DLX3: variants seen among roughly 807,000 people sequenced by gnomAD.
DLX3 encodes the protein homeobox protein DLX-3.
DLX3 carries 9 observed loss-of-function variants against 28.0 expected under a neutral mutation model. The observed-to-expected ratio is 0.32, with a 90% CI of 0.19 to 0.56. The LOEUF is 0.56. Among genes scored for constraint, DLX3 ranks in the 20% least tolerant of loss-of-function variants. The pLI is 0.91. For synonymous variants in DLX3, 154 were observed against 167.9 expected, an observed-to-expected ratio of 0.92 and a Z score of 0.64; for missense variants, 313 against 378.2, an observed-to-expected ratio of 0.83 and a Z score of 1.43.
rs753895089 is a variant in DLX3, at chr17:49,995,020, C to T, written c.-22G>A. 1.3e-5 allele frequency: 21 copies of T among 1,607,046 alleles called. No homozygotes were observed. The highest frequency in any genetic ancestry group is 7.7e-5 in the South Asian group (7 of 90,810). On this transcript the variant is annotated 5_prime_UTR_variant, in exon 1 of 3. Coordinates refer to ENST00000434704, the MANE Select transcript of DLX3 (RefSeq NM_005220.3). Reference sequence around the variant, plus strand: ...TCATCCTGGCGGGCGCTGCACCTCCCCAGGGCTGGCCTCCGCAGAGGACAG... The same window carrying T: ...TCATCCTGGCGGGCGCTGCACCTCCTCAGGGCTGGCCTCCGCAGAGGACAG...
At position 49,991,741 on chromosome 17, in the gene DLX3, C is replaced by G. The variant is rs376543839; in HGVS notation, c.640G>C (p.Ala214Pro). Residue 214 changes from alanine to proline, a missense_variant, in exon 3 of 3, where the codon GCC becomes CCC. By Grantham distance (27) the Ala-to-Pro change is conservative. Around this residue, in one of 3 missense-constraint regions of DLX3, gnomAD observed 120 missense variants for 145.4 expected, o/e 0.83. Transcript: ENST00000434704. ...SMACNSPPSP[A>P]LWDTSSHSTP... is the part of the protein sequence containing the mutation. ...GAGTGGGAAGAGGTGTCCCAGAGGG[C>G]GGGTGATGGTGGTGAGTTGCAGGCC... 6.2e-7 allele frequency: 1 copy of G among 1,613,788 alleles called. No homozygotes were observed. The highest frequency in any genetic ancestry group is 8.5e-7 in the Non-Finnish European group (1 of 1,179,950).
intron 1 of DLX3, among the ~76,000 whole-genome samples, chr17:49,993,859 C>A (rs1275780964): frequency 6.6e-6 from 1 of 152,054 alleles, no homozygotes; most frequent in Non-Finnish European, 1.5e-5. Context: ...GCCAGGACCG[C>A]CTCGGCTTCG....
chr17:49,993,253 A>G (rs1185818360), intron 2 of DLX3, 147 bp downstream of exon 2: 21 of 772,742 alleles, frequency 2.7e-5, no homozygotes, highest in Non-Finnish European at 4.1e-5. Context: ...GAACCTTCCC[A>G]CCGAAGTTGA....
intron 2 of DLX3, 63 bp from the exon 3 acceptor site, chr17:49,991,927 G>T: frequency 6.6e-7 from 1 of 1,520,768 alleles, no homozygotes; most frequent in Non-Finnish European, 9.1e-7. Flanking sequence ...ACCCTGGGAA[G>T]AACCTAGCCA....
At chr17:49,993,863 G>A (rs187475129) in intron 1 of DLX3, among the ~76,000 whole-genome samples, 2,722 of 152,142 alleles carry the variant, frequency 0.018, 51 homozygotes, top group South Asian at 0.06. Flanking sequence ...GGACCGCCTC[G>A]GCTTCGCTCA....
chr17:49,995,088 GGT>G lies in DLX3; in HGVS notation c.-92_-91del. Reference sequence around the variant, plus strand: ...AGAGAGGCGGAAGAGACGAGGCAGGGGTGTGTGTCCAGAAGGCGAAGGGAGGA... The same window carrying G: ...AGAGAGGCGGAAGAGACGAGGCAGGGGTGTGTCCAGAAGGCGAAGGGAGGA... On this transcript the variant is annotated 5_prime_UTR_variant, in exon 1 of 3. Coordinates refer to ENST00000434704, the MANE Select transcript of DLX3 (RefSeq NM_005220.3). 6.7e-7 allele frequency: 1 copy of G among 1,497,058 alleles called. No individual in the cohort carries two copies. Among genetic ancestry groups the G allele is most frequent in the South Asian group, 1.2e-5 (1 of 84,174 alleles). 92.7% of individuals were successfully genotyped at this position (1,497,058 alleles called of 1,614,324 possible).
chr17:49,991,957 C>A (rs987096859), intron 2 of DLX3, 93 bp from the exon 3 acceptor site: 6 of 1,260,062 alleles, frequency 4.8e-6, no homozygotes, highest in Non-Finnish European at 5.7e-6. Flanking sequence ...AAGGCCAGAA[C>A]CCAATTTCAC....
intron 1 of DLX3, 149 bp from the exon 2 acceptor site, chr17:49,993,739 A>AG: frequency 1.2e-6 from 1 of 823,438 alleles, no homozygotes; most frequent in South Asian, 2.3e-5. Context: ...CCCGCGGCCC[A>AG]GGGGGGAGCC....
At position 49,993,566 on chromosome 17, in the gene DLX3, G is replaced by C; in HGVS notation, c.350C>G (p.Ala117Gly). The C allele has an allele frequency of 1.2e-6, 2 of 1,613,642 alleles. No homozygotes were observed. The highest frequency in any genetic ancestry group is 1.7e-6 in the Non-Finnish European group (2 of 1,179,702). Residue 117 changes from alanine (A) to glycine (G), a missense_variant, in exon 2 of 3, where the codon GCA becomes GGA. Transcript: ENST00000434704. Reference sequence around the variant, plus strand: ...CTTCCCATTCACCATGCGCACCTCTGCTTCCGGCTCCTCCTTCACCGACAC... The same window carrying C: ...CTTCCCATTCACCATGCGCACCTCTCCTTCCGGCTCCTCCTTCACCGACAC... ...DPVSVKEEPE[A>G]EVRMVNGKPK...
rs770534977 is a variant in DLX3, at chr17:49,991,546, G to T, written c.835C>A (p.Pro279Thr). Reference sequence around the variant, plus strand: ...TACACAGCCCCAGGGTTGGGCGGGGGCCCGGGAGAGGCATGGTGCAGGGTG... The same window carrying T: ...TACACAGCCCCAGGGTTGGGCGGGGTCCCGGGAGAGGCATGGTGCAGGGTG... ...PATLHHASPG[P>T]PPNPGAVY The change falls in exon 3 of 3, where the codon CCC becomes ACC. Residue 279 changes from proline (P) to threonine (T), a missense_variant. Transcript: ENST00000434704. 6.2e-7 allele frequency: 1 copy of T among 1,608,978 alleles called. No homozygotes were observed. The highest frequency in any genetic ancestry group is 8.5e-7 in the Non-Finnish European group (1 of 1,179,566).
rs1906032256 is a variant in DLX3 at position 49,990,111 on chromosome 17, C to CG, written c.*1405dup. On this transcript the variant is annotated 3_prime_UTR_variant, in exon 3 of 3. Transcript: ENST00000434704. Reference sequence around the variant, plus strand: ...GGAGATGGCTTTGCTTCTTCCCCCCCGGGTGGGACTCTTGGAGACCTACCA... The same window carrying CG: ...GGAGATGGCTTTGCTTCTTCCCCCCCGGGGTGGGACTCTTGGAGACCTACCA... The CG allele has an allele frequency of 6.6e-6, 1 of 152,448 alleles. No individual in the cohort carries two copies. Among genetic ancestry groups the CG allele is most frequent in the African/African-American group, 2.4e-5 (1 of 41,376 alleles). The allele number at this position is 152,448 out of a possible 1,614,324, so 9.4% of individuals were successfully genotyped here. A position where few individuals can be genotyped will look rare whatever the true frequency, so the allele number is the denominator to read the frequency against.
rs1352382995 is a variant in DLX3, at chr17:49,990,391, A to G, written c.*1126T>C. 7.0e-6 allele frequency: 1 copy of G among 143,696 alleles called. No homozygotes were observed. The highest frequency in any genetic ancestry group is 2.6e-5 in the African/African-American group (1 of 38,344). The allele number at this position is 143,696 out of a possible 1,614,324, so 8.9% of individuals were successfully genotyped here. A position where few individuals can be genotyped will look rare whatever the true frequency, so the allele number is the denominator to read the frequency against. ...TGTTTTACTGCATCAGGGGTGGGGGAAAGTTAGCTTTGGTGGGATGTCTGG... is the reference window on the plus strand; with the variant it reads ...TGTTTTACTGCATCAGGGGTGGGGGGAAGTTAGCTTTGGTGGGATGTCTGG... On this transcript the variant is annotated 3_prime_UTR_variant, in exon 3 of 3. Transcript: ENST00000434704.
At position 49,995,111 on chromosome 17, in the gene DLX3, G is replaced by A; in HGVS notation, c.-113C>T. ...GGGGTGTGTGTCCAGAAGGCGAAGGGAGGACCCGGCCGCGTCTGGGGGGAG... is the reference window on the plus strand; with the variant it reads ...GGGGTGTGTGTCCAGAAGGCGAAGGAAGGACCCGGCCGCGTCTGGGGGGAG... On this transcript the variant is annotated 5_prime_UTR_variant, in exon 1 of 3. Transcript: ENST00000434704. 1.5e-6 allele frequency: 2 copies of A among 1,360,134 alleles called. No individual in the cohort carries two copies. The highest frequency in any genetic ancestry group is 2.5e-5 in the East Asian group (1 of 39,972). The allele number at this position is 1,360,134 out of a possible 1,614,324, so 84.3% of individuals were successfully genotyped here. A position where few individuals can be genotyped will look rare whatever the true frequency, so the allele number is the denominator to read the frequency against.
At chr17:49,993,826 C>T (rs184027390) in intron 1 of DLX3, 5 of 248,416 alleles carry the variant, frequency 2.0e-5, no homozygotes, top group African/African-American at 9.2e-5. Context: ...GCAGCACTGT[C>T]CCCGGCGCCA....
chr17:49,991,017 G>A lies in DLX3; in HGVS notation c.*500C>T, dbSNP rs1906065827. 6.1e-6 allele frequency: 1 copy of A among 163,084 alleles called. No homozygotes were observed. The highest frequency in any genetic ancestry group is 5.6e-5 in the Admixed American group (1 of 17,958). 10.1% of individuals were successfully genotyped at this position (163,084 alleles called of 1,614,324 possible). On this transcript the variant is annotated 3_prime_UTR_variant, in exon 3 of 3. Coordinates refer to ENST00000434704, the MANE Select transcript of DLX3 (RefSeq NM_005220.3). ...CGGAGTCCTCGTCATGATGTCCACT[G>A]TCTTATTGGCCGAGGGGCCGCTCGA...
chr17:49,994,753 G>A lies in DLX3; in HGVS notation c.246C>T (p.Pro82=), dbSNP rs1174481278. The A allele has an allele frequency of 6.2e-7, 1 of 1,614,194 alleles. No homozygotes were observed. ...NGLAGTGAYS[P]KSEYTYGASY... ...AGGCTCCGTAGGTATATTCCGACTT[G>A]GGCGAGTAAGCGCCCGTGCCTGCAA... The change falls in exon 1 of 3, where the codon CCC becomes CCT. Residue 82 remains proline, a synonymous_variant. Transcript: ENST00000434704.
rs569353648 is a variant in DLX3 at position 49,993,301 on chromosome 17, G to T, written c.516+99C>A. On this transcript the variant is annotated intron_variant, in intron 2 of 2. Coordinates refer to ENST00000434704, the MANE Select transcript of DLX3 (RefSeq NM_005220.3). ...CCCATCCCAAAGGCAAGAGTTCCAGGAGCCCGCAGGGCCCTTCAGTGGCCA... is the reference window on the plus strand; with the variant it reads ...CCCATCCCAAAGGCAAGAGTTCCAGTAGCCCGCAGGGCCCTTCAGTGGCCA... 13 of 1,296,754 alleles carry T rather than the reference G, an allele frequency of 1.0e-5. No individual in the cohort carries two copies. In the East Asian group the frequency reaches 1.5e-4, roughly 15 times the overall value. 80.3% of individuals were successfully genotyped at this position (1,296,754 alleles called of 1,614,324 possible).
rs932281608 is a variant in DLX3 at position 49,990,220 on chromosome 17, C to T, written c.*1297G>A. 1 of 151,906 alleles carries T rather than the reference C, an allele frequency of 6.6e-6. No individual in the cohort carries two copies. The highest frequency in any genetic ancestry group is 2.4e-5 in the African/African-American group (1 of 41,312). 9.4% of individuals were successfully genotyped at this position (151,906 alleles called of 1,614,324 possible). A position where few individuals can be genotyped will look rare whatever the true frequency, so the allele number is the denominator to read the frequency against. ...CTCAGCTTGAAACACACAGGGAGAT[C>T]CGTCCAGGAGGAACATGGCCACATA... is the stretch of plus-strand genomic sequence containing the variant. On this transcript the variant is annotated 3_prime_UTR_variant, in exon 3 of 3. Transcript: ENST00000434704.
Position 49,991,179 on chromosome 17 carries a change from A to C in DLX3, c.*338T>G. The C allele has an allele frequency of 7.7e-6, 2 of 260,788 alleles. No individual in the cohort carries two copies. Among genetic ancestry groups the C allele is most frequent in the Non-Finnish European group, 1.5e-5 (2 of 136,658 alleles). 16.2% of individuals were successfully genotyped at this position (260,788 alleles called of 1,614,324 possible). A position where few individuals can be genotyped will look rare whatever the true frequency, so the allele number is the denominator to read the frequency against. On this transcript the variant is annotated 3_prime_UTR_variant, in exon 3 of 3. Coordinates refer to ENST00000434704, the MANE Select transcript of DLX3 (RefSeq NM_005220.3). The stretch of plus-strand genomic sequence containing the variant: ...CCATCCCAAGGTCTCCAGTCTGGGA[A>C]CAGGCACTAAGTTTAAGAAGCTGGA...
Sources: gnomAD v4.1 joint callset for allele counts (sites outside exome capture counted in the v4.1 genomes callset) on GRCh38, gnomAD v4.1.1 for gene constraint, gnomAD v4.1.1 regional missense constraint, MANE v1.5 for transcripts, NCBI Gene and HGNC (gene_info 2026-07-23, HGNC 2026-07-21) for gene names.